PECR: variants seen among roughly 807,000 people sequenced by gnomAD.
PECR encodes 2,4-dienoyl-CoA reductase-related protein.
PECR carries 30 observed loss-of-function variants against 35.3 expected under a neutral mutation model. The ratio of observed to expected loss-of-function variants is 0.85; its 90% CI spans 0.64 to 1.15. The LOEUF is 1.15. Ranked by LOEUF, PECR falls within the 50% of genes most tolerant of loss-of-function variation. PECR has a pLI of 0.00. For missense variants in PECR, 392 were observed against 370.8 expected (o/e 1.06, Z -0.47); for synonymous variants, 148 against 138.9 (o/e 1.07, Z -0.46).
chr2:216,074,522 AAGGAAGGAAGGAAGGAAGAAAGG>A (rs753825992), intron 1 of PECR, among the ~76,000 whole-genome samples: 8,613 of 149,332 alleles, frequency 0.058, 663 homozygotes, highest in African/African-American at 0.17. Flanking sequence ...GGAAGGAAGG[AAGGAAGGAAGGAAGGAAGAAAGG>A]AAGGAAGGAA....
intron 1 of PECR, 43 bp from the exon 2 acceptor site, chr2:216,066,561 G>A (rs188337772): frequency 1.3e-6 from 2 of 1,591,514 alleles, no homozygotes. Flanking sequence ...TGCCTTCATG[G>A]GATGCAATGA....
Position 216,048,888 on chromosome 2 carries a change from G to C in PECR, c.714+375C>G, listed in dbSNP as rs561529039. ...AAAACCGCTGCTGGCAGTTTGGAAA[G>C]CTGCTGATTTTACAGACTTCAACCT... is the stretch of plus-strand genomic sequence containing the variant. On this transcript the variant is annotated intron_variant, in intron 6 of 7. Coordinates refer to ENST00000265322, the MANE Select transcript of PECR (RefSeq NM_018441.6). 3.5e-3 allele frequency among the ~76,000 whole-genome samples: 505 copies of C among 143,656 alleles called. 1 individual carries two copies. Among genetic ancestry groups the C allele is most frequent in the African/African-American group, 0.013 (491 of 38,506 alleles). 94.2% of individuals were successfully genotyped at this position (143,656 alleles called of 152,430 possible).
At chr2:216,041,049 C>T (rs10180426) in intron 7 of PECR, among the ~76,000 whole-genome samples, 20,766 of 152,126 alleles carry the variant, frequency 0.14, 1,741 homozygotes, top group South Asian at 0.23. Context: ...GCATTCTCAC[C>T]TTGGAGCTGC....
At position 216,065,437 on chromosome 2, in the gene PECR, T is replaced by C. The variant is rs1695445497; in HGVS notation, c.299A>G (p.Lys100Arg). 6.2e-7 allele frequency: 1 copy of C among 1,606,690 alleles called. No individual in the cohort carries two copies. Among genetic ancestry groups the C allele is most frequent in the Non-Finnish European group, 8.5e-7 (1 of 1,173,364 alleles). Reference protein sequence around the residue: ...LVKSTLDTFGKINFLVNNGGG... With the variant: ...LVKSTLDTFGRINFLVNNGGG... ...TCCATTGTTCACCAAGAAATTGATC[T>C]TACCAAAAGTATCTAAGGTAGATTT... The change falls in exon 3 of 8, where the codon AAG becomes AGG. Residue 100 changes from lysine to arginine, a missense_variant. Physicochemically the swap from Lys to Arg is conservative, Grantham distance 26 (BLOSUM62 2). Coordinates refer to ENST00000265322, the MANE Select transcript of PECR (RefSeq NM_018441.6).
intron 6 of PECR, 39 bp downstream of exon 6, chr2:216,049,224 C>T: frequency 1.0e-6 from 1 of 986,926 alleles, no homozygotes; most frequent in Non-Finnish European, 1.6e-6. Flanking sequence ...CAAAGTATAA[C>T]ACACAGCAAT....
chr2:216,049,528 A>G (rs1229918356), intron 5 of PECR, among the ~76,000 whole-genome samples, 155 bp from the exon 6 acceptor site: 1 of 152,240 alleles, frequency 6.6e-6, no homozygotes, highest in African/African-American at 2.4e-5. Flanking sequence ...CCATGTTGTC[A>G]AAGAAGTACA....
At chr2:216,054,526 G>T (rs1417497612) in intron 4 of PECR, among the ~76,000 whole-genome samples, 1 of 151,392 alleles carries the variant, frequency 6.6e-6, no homozygotes, top group Non-Finnish European at 1.5e-5. Flanking sequence ...AGTAGAGATG[G>T]GGTTTCACCA....
At chr2:216,043,115 A>ATATT (rs1553560262) in intron 7 of PECR, among the ~76,000 whole-genome samples, 1 of 134,432 alleles carries the variant, frequency 7.4e-6, no homozygotes, top group Non-Finnish European at 1.6e-5. Flanking sequence ...ATATATATAT[A>ATATT]TTTTTTTTTG....
rs1574683033 is a variant in PECR at position 216,049,279 on chromosome 2, A to G, written c.698T>C (p.Ile233Thr). 1.3e-6 allele frequency: 2 copies of G among 1,555,830 alleles called. No homozygotes were observed. The highest frequency in any genetic ancestry group is 2.2e-5 in the East Asian group (1 of 44,612). The change falls in exon 6 of 8, where the codon ATT becomes ACT. Residue 233 changes from isoleucine (I) to threonine (T), a missense_variant. Coordinates refer to ENST00000265322, the MANE Select transcript of PECR (RefSeq NM_018441.6). ...GSFQKIPAKRIGVPEEVSSVV... is the reference protein window; with the variant it reads ...GSFQKIPAKRTGVPEEVSSVV... Reference sequence around the variant, plus strand: ...ATACCTTACCTCCTCAGGAACACCAATTCGTTTAGCGGGGATTTTCTGAAA... The same window carrying G: ...ATACCTTACCTCCTCAGGAACACCAGTTCGTTTAGCGGGGATTTTCTGAAA...
At position 216,043,924 on chromosome 2, in the gene PECR, G is replaced by C. The variant is rs374888148; in HGVS notation, c.806C>G (p.Thr269Ser). The C allele has an allele frequency of 1.3e-6, 2 of 1,595,786 alleles. No individual in the cohort carries two copies. The highest frequency in any genetic ancestry group is 2.7e-5 in the African/African-American group (2 of 74,642). The change falls in exon 7 of 8, where the codon ACT becomes AGT. Residue 269 changes from threonine (T) to serine (S), a missense_variant. By Grantham distance (58) the Thr-to-Ser change is moderately conservative. Coordinates refer to ENST00000265322, the MANE Select transcript of PECR (RefSeq NM_018441.6). ...VDVDGGRSLY[T>S]HSYEVPDHDN... is the part of the protein sequence containing the mutation. Reference sequence around the variant, plus strand: ...CTCACCTGGTACCTCATACGAGTGAGTATAGAGACTCCGGCCCCCATCCAC... The same window carrying C: ...CTCACCTGGTACCTCATACGAGTGACTATAGAGACTCCGGCCCCCATCCAC...
chr2:216,059,246 A>C (rs910362789), intron 3 of PECR, among the ~76,000 whole-genome samples: 1 of 152,140 alleles, frequency 6.6e-6, no homozygotes, highest in Non-Finnish European at 1.5e-5. Flanking sequence ...GTTCCTTCAC[A>C]CCCATCTGCA....
intron 4 of PECR, among the ~76,000 whole-genome samples, chr2:216,056,973 G>T (rs1163619924): frequency 6.6e-6 from 1 of 152,036 alleles, no homozygotes; most frequent in Non-Finnish European, 1.5e-5. Flanking sequence ...AAGACAAGCT[G>T]TGTTTTTTTT....
In PECR at chr2:216,066,686, A is replaced by T. The variant is rs185476300; in HGVS notation, c.125-168T>A. Among the ~76,000 whole-genome samples the T allele has an allele frequency of 6.6e-4, 100 of 152,310 alleles. 1 individual carries two copies. The highest frequency in any genetic ancestry group is 6.8e-3 in the Middle Eastern group (2 of 294). ...AAATATATCATGTGTTCCATTTTTT[A>T]AAGTATTTTTTATTTTAGAGTCAAG... On this transcript the variant is annotated intron_variant, in intron 1 of 7. Transcript: ENST00000265322.
At chr2:216,054,320 G>A (rs1440615342) in intron 4 of PECR, among the ~76,000 whole-genome samples, 1 of 148,602 alleles carries the variant, frequency 6.7e-6, no homozygotes, top group Non-Finnish European at 1.5e-5. Flanking sequence ...AGAAAAGTAG[G>A]AAATAACTGA....
intron 4 of PECR, among the ~76,000 whole-genome samples, chr2:216,055,508 T>C (rs902223478): frequency 1.2e-4 from 18 of 150,478 alleles, no homozygotes; most frequent in Non-Finnish European, 1.5e-5. Context: ...CTAAACCTAG[T>C]ACATAAATAT....
downstream of PECR, chr2:216,033,822 A>ACCCACAG (rs1440839701): frequency 4.6e-5 from 7 of 152,310 alleles, no homozygotes; most frequent in Non-Finnish European, 1.0e-4. Flanking sequence ...GGCTGCTTGA[A>ACCCACAG]AGCTGAAACT....
chr2:216,033,827 G>T (rs1218051924), downstream of PECR: 1 of 152,272 alleles, frequency 6.6e-6, no homozygotes, highest in Non-Finnish European at 1.5e-5. Flanking sequence ...CTTGAAAGCT[G>T]AAACTAACCC....
intron 7 of PECR, among the ~76,000 whole-genome samples, chr2:216,031,910 C>T (rs1183004542): frequency 6.6e-6 from 1 of 152,190 alleles, no homozygotes; most frequent in Non-Finnish European, 1.5e-5. Context: ...TCTAATTGAA[C>T]CTCTCTACTT....
intron 7 of PECR, among the ~76,000 whole-genome samples, chr2:216,029,194 G>C (rs945914289): frequency 6.6e-6 from 1 of 152,180 alleles, no homozygotes; most frequent in Admixed American, 6.5e-5. Context: ...GAAGGATTGA[G>C]GCTGGCCAGG....
Sources: gnomAD v4.1 joint callset for allele counts (sites outside exome capture counted in the v4.1 genomes callset) on GRCh38, gnomAD v4.1.1 for gene constraint, MANE v1.5 for transcripts, NCBI Gene and HGNC (gene_info 2026-07-23, HGNC 2026-07-21) for gene names.